Variants in NRXN1 observed in about 807,000 individuals in gnomAD.
NRXN1 encodes neurexin 1.
Under a neutral mutation model 150.9 loss-of-function variants are expected in NRXN1, and 39 were observed. The ratio of observed to expected loss-of-function variants is 0.26; its 90% CI spans 0.20 to 0.34. NRXN1 has a LOEUF of 0.34. Among genes scored for constraint, NRXN1 ranks in the 10% least tolerant of loss-of-function variants. The pLI is 1.00. For synonymous variants in NRXN1, 924 were observed against 757.0 expected, an observed-to-expected ratio of 1.22 and a Z score of -3.62; for missense variants, 1,815 against 1,949.9, an observed-to-expected ratio of 0.93 and a Z score of 1.30.
rs1459814717 is a variant in NRXN1, at chr2:49,921,893, C to G, written c.*51G>C. On this transcript the variant is annotated 3_prime_UTR_variant, in exon 23 of 23. Transcript: ENST00000401669. ...AAGTAAATAAGTTTATATTATGTCT[C>G]AGATAAAATGAAGACTATTTCTATA... The G allele has an allele frequency of 6.4e-7, 1 of 1,560,124 alleles. No individual in the cohort carries two copies. Among genetic ancestry groups the G allele is most frequent in the Admixed American group, 1.7e-5 (1 of 59,244 alleles).
intron 8 of NRXN1, among the ~76,000 whole-genome samples, chr2:50,608,758 C>T (rs554666907): frequency 7.9e-5 from 12 of 152,156 alleles, no homozygotes; most frequent in Admixed American, 7.9e-4. Flanking sequence ...TTCAGACGCT[C>T]ATATGAGACT....
intron 5 of NRXN1, among the ~76,000 whole-genome samples, chr2:50,643,838 C>T (rs1427255683): frequency 2.0e-5 from 3 of 151,842 alleles, no homozygotes; most frequent in East Asian, 3.9e-4. Flanking sequence ...CTTCCCTAAA[C>T]TGTTACTTTT....
At chr2:50,898,223 T>C (rs1358070982) in intron 5 of NRXN1, among the ~76,000 whole-genome samples, 1 of 152,166 alleles carries the variant, frequency 6.6e-6, no homozygotes, top group African/African-American at 2.4e-5. Flanking sequence ...CTTCAAACTT[T>C]TTCCTCAAAA....
intron 5 of NRXN1, among the ~76,000 whole-genome samples, chr2:50,736,365 G>A (rs906835403): frequency 2.0e-5 from 3 of 152,060 alleles, no homozygotes; most frequent in African/African-American, 4.8e-5. Flanking sequence ...GAGCTCTGTG[G>A]TCCTCCCTCT....
At chr2:50,338,859 T>C (rs2077363649) in intron 17 of NRXN1, among the ~76,000 whole-genome samples, 1 of 152,202 alleles carries the variant, frequency 6.6e-6, no homozygotes, top group African/African-American at 2.4e-5. Flanking sequence ...AGTGAAGTAC[T>C]TTATGCTCTG....
intron 5 of NRXN1, chr2:50,841,174 C>G (rs1672814533): frequency 6.6e-6 from 1 of 152,530 alleles, no homozygotes; most frequent in Middle Eastern, 3.2e-3. Context: ...TAAATGTGGA[C>G]TTCTATACAA....
chr2:50,371,641 T>C (rs2080034962), intron 17 of NRXN1, among the ~76,000 whole-genome samples: 2 of 151,970 alleles, frequency 1.3e-5, no homozygotes, highest in Non-Finnish European at 1.5e-5. Flanking sequence ...CCTTCAAAAT[T>C]TTATGCAAAT....
At chr2:50,402,118 T>C (rs1405208725) in intron 17 of NRXN1, among the ~76,000 whole-genome samples, 1 of 152,118 alleles carries the variant, frequency 6.6e-6, no homozygotes, top group African/African-American at 2.4e-5. Flanking sequence ...TCTTCTTTTA[T>C]CTATTACTGT....
chr2:50,704,589 C>CT (rs527876225), intron 5 of NRXN1, among the ~76,000 whole-genome samples: 116 of 144,826 alleles, frequency 8.0e-4, no homozygotes, highest in Middle Eastern at 7.7e-3. Context: ...GGTCATATCA[C>CT]TTTTTTTTTT....
At chr2:50,995,670 C>T (rs536163052) in intron 2 of NRXN1, among the ~76,000 whole-genome samples, 1 of 150,058 alleles carries the variant, frequency 6.7e-6, no homozygotes, top group Admixed American at 6.7e-5. Flanking sequence ...GAAGATGGGA[C>T]AATCTTGGAA....
intron 5 of NRXN1, among the ~76,000 whole-genome samples, chr2:50,767,556 G>C (rs1329910685): frequency 6.6e-6 from 1 of 152,020 alleles, no homozygotes; most frequent in Admixed American, 6.6e-5. Flanking sequence ...TGTGCTAAGG[G>C]ACTGAGGATG....
chr2:50,486,684 G>A (rs1336172970), intron 15 of NRXN1, among the ~76,000 whole-genome samples: 1 of 151,940 alleles, frequency 6.6e-6, no homozygotes, highest in Admixed American at 6.6e-5. Context: ...GAGGGGAGAG[G>A]GAGGAGAGAA....
rs2060913671 is a variant in NRXN1, at chr2:50,184,097, T to C, written c.3546+52692A>G. On this transcript the variant is annotated intron_variant, in intron 18 of 22. Coordinates refer to ENST00000401669, the MANE Select transcript of NRXN1 (RefSeq NM_001330078.2). ...AGGAAGTTTCTTTAGGTAGTAATTG[T>C]TTTCTACAGATGCATTAGCTAATAT... 2.0e-5 allele frequency among the ~76,000 whole-genome samples: 3 copies of C among 152,070 alleles called. No individual in the cohort carries two copies. In the South Asian group the frequency reaches 6.2e-4, roughly 31 times the overall value.
chr2:50,734,898 G>A (rs753768809), intron 5 of NRXN1, among the ~76,000 whole-genome samples: 4 of 152,094 alleles, frequency 2.6e-5, no homozygotes, highest in Admixed American at 6.6e-5. Context: ...ATATCCAAAT[G>A]TCAACGAACA....
chr2:50,308,918 G>C (rs2074911222), intron 17 of NRXN1, among the ~76,000 whole-genome samples: 1 of 152,154 alleles, frequency 6.6e-6, no homozygotes, highest in African/African-American at 2.4e-5. Flanking sequence ...AATGGGGATA[G>C]GTTGATAATC....
At chr2:50,250,491 T>C (rs1012921819) in intron 17 of NRXN1, among the ~76,000 whole-genome samples, 1 of 152,114 alleles carries the variant, frequency 6.6e-6, no homozygotes, top group Non-Finnish European at 1.5e-5. Context: ...GTCTTATCTC[T>C]TTGTCTCTTG....
intron 18 of NRXN1, among the ~76,000 whole-genome samples, chr2:50,133,345 T>C (rs1447148326): frequency 2.1e-5 from 3 of 142,316 alleles, no homozygotes; most frequent in African/African-American, 7.7e-5. Context: ...CAATCTGGTT[T>C]CAGAGGAGGT....
chr2:50,421,450 T>C (rs1043830606), intron 17 of NRXN1, among the ~76,000 whole-genome samples: 1 of 152,138 alleles, frequency 6.6e-6, no homozygotes, highest in Non-Finnish European at 1.5e-5. Context: ...ACACCATAAA[T>C]CATGCTTGTC....
chr2:50,292,434 C>T (rs576708367), intron 17 of NRXN1, among the ~76,000 whole-genome samples: 2 of 152,100 alleles, frequency 1.3e-5, no homozygotes, highest in Non-Finnish European at 2.9e-5. Flanking sequence ...CATTTTCATC[C>T]TTTAACAGGT....
Sources: allele counts gnomAD v4.1 joint callset (sites outside exome capture counted in the v4.1 genomes callset), GRCh38; gene constraint gnomAD v4.1.1; transcripts MANE v1.5; gene names NCBI Gene and HGNC (gene_info 2026-07-23, HGNC 2026-07-21).